PDE4D: variants seen among roughly 807,000 people sequenced by gnomAD.
PDE4D encodes 3',5'-cyclic-AMP phosphodiesterase 4D.
A neutral mutation model predicts 87.4 loss-of-function variants in PDE4D; 24 were observed. The observed-to-expected ratio is 0.27, with a 90% CI of 0.20 to 0.39. PDE4D has a LOEUF of 0.39. PDE4D is among the 10% of genes least tolerant of loss of function. The pLI, the probability that PDE4D is intolerant of heterozygous loss-of-function variation, is 1.00. For synonymous variants in PDE4D, 384 were observed against 383.2 expected (o/e 1.00, Z -0.02); for missense variants, 714 against 1,041.0 (o/e 0.69, Z 4.32).
intron 1 of PDE4D, chr5:60,460,108 A>G: frequency 1.2e-6 from 2 of 1,605,054 alleles, no homozygotes; most frequent in Non-Finnish European, 1.7e-6. Context: ...AAACCAGGTA[A>G]AGAAGCTCTC....
At chr5:59,763,171 G>A (rs2150795899) in intron 1 of PDE4D, among the ~76,000 whole-genome samples, 1 of 151,726 alleles carries the variant, frequency 6.6e-6, no homozygotes, top group Middle Eastern at 3.4e-3. Flanking sequence ...AAAAATCTGA[G>A]TCTGGGGTCA....
At chr5:59,586,517 A>T (rs1022770776) in intron 1 of PDE4D, 20 of 1,449,028 alleles carry the variant, frequency 1.4e-5, no homozygotes, top group Non-Finnish European at 1.4e-5. Context: ...AAAAAAAAAA[A>T]AAAATCTCCC....
At chr5:59,613,358 A>G (rs987403327) in intron 1 of PDE4D, among the ~76,000 whole-genome samples, 1 of 152,206 alleles carries the variant, frequency 6.6e-6, no homozygotes, top group African/African-American at 2.4e-5. Context: ...TATAGAGGAG[A>G]CATCATGGTG....
At chr5:59,958,134 TAA>T (rs1260417418) in intron 3 of PDE4D, among the ~76,000 whole-genome samples, 1 of 152,206 alleles carries the variant, frequency 6.6e-6, no homozygotes, top group African/African-American at 2.4e-5. Flanking sequence ...CAAATCATTA[TAA>T]GTTTTTAGCA....
chr5:58,981,348 T>C (rs912850308), intron 11 of PDE4D, among the ~76,000 whole-genome samples: 4 of 152,056 alleles, frequency 2.6e-5, no homozygotes, highest in African/African-American at 9.7e-5. Flanking sequence ...ACTAACACAT[T>C]CCCCAGAAGT....
At chr5:59,106,439 T>G (rs1160066007) in intron 5 of PDE4D, among the ~76,000 whole-genome samples, 2 of 152,182 alleles carry the variant, frequency 1.3e-5, no homozygotes, top group Non-Finnish European at 2.9e-5. Context: ...AGGTAAGACA[T>G]TAAGTATCTT....
chr5:60,240,996 C>A (rs1427396523), intron 1 of PDE4D, among the ~76,000 whole-genome samples: 2 of 152,044 alleles, frequency 1.3e-5, no homozygotes, highest in Admixed American at 1.3e-4. Context: ...TTAAGACCAT[C>A]CAGCAAAACA....
At chr5:60,190,426 T>G (rs1785109000) in intron 1 of PDE4D, among the ~76,000 whole-genome samples, 2 of 152,226 alleles carry the variant, frequency 1.3e-5, no homozygotes, top group African/African-American at 4.8e-5. Context: ...AGAAAGGACT[T>G]CTTATTCCAG....
intron 1 of PDE4D, among the ~76,000 whole-genome samples, chr5:59,626,430 G>A (rs555014492): frequency 7.6e-4 from 115 of 152,210 alleles, no homozygotes; most frequent in Admixed American, 1.4e-3. Context: ...AAAATATGTT[G>A]AACCATGCAT....
upstream of PDE4D, among the ~76,000 whole-genome samples, chr5:59,898,015 T>C (rs1040978719): frequency 4.6e-5 from 7 of 152,206 alleles, no homozygotes; most frequent in Non-Finnish European, 8.8e-5. Flanking sequence ...AGTACTAGTA[T>C]TAAAGTCTCT....
chr5:59,455,504 C>A (rs1799778762), intron 1 of PDE4D, among the ~76,000 whole-genome samples: 1 of 152,200 alleles, frequency 6.6e-6, no homozygotes, highest in Non-Finnish European at 1.5e-5. Flanking sequence ...GATGCTCAGG[C>A]AAAAGTTTGC....
chr5:59,335,662 G>T (rs1226607565), intron 1 of PDE4D, among the ~76,000 whole-genome samples: 2 of 152,130 alleles, frequency 1.3e-5, no homozygotes, highest in African/African-American at 4.8e-5. Flanking sequence ...CAGGGATGAA[G>T]TAAGAATTGC....
intron 1 of PDE4D, among the ~76,000 whole-genome samples, chr5:60,329,050 T>C (rs1042105737): frequency 5.9e-5 from 9 of 152,230 alleles, no homozygotes; most frequent in African/African-American, 2.2e-4. Context: ...TTCAACCAAG[T>C]ATAAAAGCAT....
intron 11 of PDE4D, among the ~76,000 whole-genome samples, chr5:58,979,608 T>A (rs1322536008): frequency 1.3e-5 from 2 of 152,194 alleles, no homozygotes; most frequent in Non-Finnish European, 2.9e-5. Context: ...AGAAAGTTGC[T>A]GTCAGGATGG....
chr5:59,179,536 C>T (rs1226751398), intron 5 of PDE4D: 2 of 330,286 alleles, frequency 6.1e-6, no homozygotes, highest in East Asian at 1.0e-4. Flanking sequence ...ATTTAACATT[C>T]ATTGAAATAC....
chr5:59,777,689 TTGG>T, intron 1 of PDE4D, among the ~76,000 whole-genome samples: 1 of 152,316 alleles, frequency 6.6e-6, no homozygotes, highest in African/African-American at 2.4e-5. Flanking sequence ...GGCAATTAAC[TTGG>T]ACACAGGTGA....
chr5:59,768,165 T>C, intron 1 of PDE4D: 1 of 1,520,140 alleles, frequency 6.6e-7, no homozygotes, highest in Non-Finnish European at 8.9e-7. Context: ...CCTCCCTCCC[T>C]ACCCCCAAAA....
chr5:59,432,229 T>C (rs916486460), intron 1 of PDE4D, among the ~76,000 whole-genome samples: 3 of 151,902 alleles, frequency 2.0e-5, no homozygotes, highest in Admixed American at 6.6e-5. Flanking sequence ...TCCTTCCTTT[T>C]TGAATAAAGT....
chr5:59,594,524 T>C (rs910750383), intron 1 of PDE4D, among the ~76,000 whole-genome samples: 1 of 151,994 alleles, frequency 6.6e-6, no homozygotes, highest in Non-Finnish European at 1.5e-5. Context: ...TTTTACCACA[T>C]TGGCCATGCT....
Sources: gnomAD v4.1 joint callset for allele counts (sites outside exome capture counted in the v4.1 genomes callset) on GRCh38, gnomAD v4.1.1 for gene constraint, MANE v1.5 for transcripts, NCBI Gene and HGNC (gene_info 2026-07-23, HGNC 2026-07-21) for gene names.